Variants in SBK1 observed in about 807,000 individuals in gnomAD.
SBK1 encodes serine/threonine-protein kinase SBK1.
A neutral mutation model predicts 24.4 loss-of-function variants in SBK1; 11 were observed. The observed-to-expected ratio is 0.45, with a 90% confidence interval of 0.28 to 0.75. The LOEUF is 0.75. Ranked by LOEUF, SBK1 falls within the 30% of genes least tolerant of loss-of-function variation. SBK1 has a pLI of 0.12. For synonymous variants in SBK1, 308 were observed against 284.4 expected (o/e 1.08, Z -0.83); for missense variants, 467 against 620.5 (o/e 0.75, Z 2.63).
intron 1 of SBK1, among the ~76,000 whole-genome samples, chr16:28,303,512 T>C (rs1368775488): frequency 3.9e-5 from 5 of 128,462 alleles, no homozygotes; most frequent in South Asian, 5.6e-4. Flanking sequence ...CTTTTCTTTT[T>C]TTTTTTTTTT....
chr16:28,317,595 C>T lies in SBK1; in HGVS notation c.204C>T (p.Asp68=), dbSNP rs113394773. Residue 68 remains aspartate (D), a synonymous_variant, in exon 2 of 4, where the codon GAC becomes GAT. Transcript: ENST00000341901. The surrounding 1 kb of genome is among the most constrained non-coding windows in gnomAD (Gnocchi z 4.2). The part of the protein sequence containing the change: ...ELGKGTYGKV[D]LVVYKGTGTK... ...GCAAAGGCACCTATGGGAAGGTTGA[C>T]CTGGTGGTCTACAAGGGCACAGGTG... 0.077 allele frequency: 124,566 copies of T among 1,613,280 alleles called. 5,622 individuals carry two copies. Among genetic ancestry groups the T allele is most frequent in the Non-Finnish European group, 0.092 (108,265 of 1,179,200 alleles).
chr16:28,287,276 A>T (rs994585876), intron 1 of SBK1, among the ~76,000 whole-genome samples: 2 of 114,156 alleles, frequency 1.8e-5, no homozygotes, highest in African/African-American at 6.1e-5. Context: ...CCCCATCTCT[A>T]CTAAAAATAC....
chr16:28,311,152 A>T (rs576555511), intron 1 of SBK1, among the ~76,000 whole-genome samples: 30 of 152,302 alleles, frequency 2.0e-4, no homozygotes, highest in South Asian at 4.1e-4. Flanking sequence ...CAGGAAAGGG[A>T]TGCAGGAGAG....
chr16:28,267,745 G>T (rs2044438702), intron 1 of SBK1, among the ~76,000 whole-genome samples: 1 of 152,212 alleles, frequency 6.6e-6, no homozygotes, highest in Non-Finnish European at 1.5e-5. Context: ...AATCTATACT[G>T]CCAAATCCCT....
At chr16:28,287,462 AAAG>A (rs1264519125) in intron 1 of SBK1, among the ~76,000 whole-genome samples, 2 of 151,722 alleles carry the variant, frequency 1.3e-5, no homozygotes, top group African/African-American at 4.8e-5. Flanking sequence ...AAAAAAAAAA[AAAG>A]AAGAAAGAAG....
intron 1 of SBK1, among the ~76,000 whole-genome samples, chr16:28,277,992 G>A (rs1025526133): frequency 6.6e-6 from 1 of 152,244 alleles, no homozygotes; most frequent in Non-Finnish European, 1.5e-5. Flanking sequence ...GGGCCGTGTG[G>A]CCTCAGCCAG....
intron 1 of SBK1, among the ~76,000 whole-genome samples, chr16:28,265,389 A>T (rs1028120141): frequency 6.6e-6 from 1 of 152,100 alleles, no homozygotes; most frequent in African/African-American, 2.4e-5. Context: ...GCTATAGTCC[A>T]GTCTGGGAGA....
chr16:28,321,665 G>GGGC lies in SBK1; in HGVS notation c.*744_*745insGGC, dbSNP rs1288104111. On this transcript the variant is annotated 3_prime_UTR_variant, in exon 4 of 4. Transcript: ENST00000341901. ...AAATCACAGCCCAGGAGGGAGGGTA[G>GGGC]CTTGGCACTGGCTGAGAAATAGAGC... 6.5e-5 allele frequency: 10 copies of GGGC among 152,886 alleles called. No homozygotes were observed. The highest frequency in any genetic ancestry group is 1.5e-4 in the Non-Finnish European group (10 of 68,180). The allele number at this position is 152,886 out of a possible 1,614,324, so 9.5% of individuals were successfully genotyped here.
At chr16:28,298,351 T>A (rs2044655482) in intron 1 of SBK1, among the ~76,000 whole-genome samples, 1 of 152,180 alleles carries the variant, frequency 6.6e-6, no homozygotes. Context: ...GGACAGCGTT[T>A]TCTCATTTAG....
intron 1 of SBK1, among the ~76,000 whole-genome samples, chr16:28,297,101 A>G (rs2044646079): frequency 6.6e-6 from 1 of 152,122 alleles, no homozygotes; most frequent in Non-Finnish European, 1.5e-5. Context: ...AGGCTGAGAC[A>G]GGTGGATCAT....
At chr16:28,315,795 T>A (rs1224826283) in intron 1 of SBK1, among the ~76,000 whole-genome samples, 1 of 152,112 alleles carries the variant, frequency 6.6e-6, no homozygotes, top group Non-Finnish European at 1.5e-5. Flanking sequence ...AGACGGAGTC[T>A]TGTTCTGTCG....
chr16:28,280,685 G>A (rs1161932977), intron 1 of SBK1, among the ~76,000 whole-genome samples: 1 of 149,170 alleles, frequency 6.7e-6, no homozygotes, highest in Non-Finnish European at 1.5e-5. Context: ...TTATTTCTGA[G>A]ACAGGGTCTC....
At chr16:28,305,551 T>A (rs1322834299) in intron 1 of SBK1, among the ~76,000 whole-genome samples, 4 of 149,612 alleles carry the variant, frequency 2.7e-5, no homozygotes, top group Admixed American at 1.3e-4. Context: ...TTTTTTTTTT[T>A]TAGAGAGACT....
At chr16:28,285,539 A>T (rs1274381774) in intron 1 of SBK1, 1 of 152,254 alleles carries the variant, frequency 6.6e-6, no homozygotes, top group Non-Finnish European at 1.5e-5. Context: ...TGGGTGACAG[A>T]ATGAGACTCC....
chr16:28,323,455 GTCCTT>G lies in SBK1; in HGVS notation c.*2535_*2539del, dbSNP rs1221398638. On this transcript the variant is annotated 3_prime_UTR_variant, in exon 4 of 4. Coordinates refer to ENST00000341901, the MANE Select transcript of SBK1 (RefSeq NM_001024401.3). Reference sequence around the variant, plus strand: ...CCCTGTGTCCCCCACACTGCCCCCTGTCCTTCGGTGCTTCCCAGAGACCCCTCTGA... The same window carrying G: ...CCCTGTGTCCCCCACACTGCCCCCTGCGGTGCTTCCCAGAGACCCCTCTGA... 6.5e-6 allele frequency: 1 copy of G among 152,890 alleles called. No homozygotes were observed. The highest frequency in any genetic ancestry group is 2.4e-5 in the African/African-American group (1 of 41,444). The allele number at this position is 152,890 out of a possible 1,614,324, so 9.5% of individuals were successfully genotyped here. A position where few individuals can be genotyped will look rare whatever the true frequency, so the allele number is the denominator to read the frequency against.
At chr16:28,313,934 C>T (rs1265298275) in intron 1 of SBK1, among the ~76,000 whole-genome samples, 6 of 151,958 alleles carry the variant, frequency 3.9e-5, no homozygotes, top group African/African-American at 1.2e-4. Context: ...GTGCTCACCC[C>T]CTCCCAGCCT....
chr16:28,280,432 C>A (rs1419054841), intron 1 of SBK1, among the ~76,000 whole-genome samples: 1 of 150,254 alleles, frequency 6.7e-6, no homozygotes, highest in Non-Finnish European at 1.5e-5. Flanking sequence ...TGGCCTCAGG[C>A]AGTCTTCCTG....
In SBK1 at chr16:28,317,314, A is replaced by C; in HGVS notation, c.-7-71A>C. ...TCCTCAAGTTTTCTGGGTTCTGGGG[A>C]GGGCAGAGGGGCTGGAGGAGGGGAC... On this transcript the variant is annotated intron_variant, in intron 1 of 3. Transcript: ENST00000341901. The surrounding 1 kb of genome is among the most constrained non-coding windows in gnomAD (Gnocchi z 4.2). 8.5e-7 allele frequency: 1 copy of C among 1,174,272 alleles called. No individual in the cohort carries two copies. The highest frequency in any genetic ancestry group is 1.2e-6 in the Non-Finnish European group (1 of 801,792). 72.7% of individuals were successfully genotyped at this position (1,174,272 alleles called of 1,614,324 possible). A position where few individuals can be genotyped will look rare whatever the true frequency, so the allele number is the denominator to read the frequency against.
chr16:28,312,979 C>T (rs1420188866), intron 1 of SBK1, among the ~76,000 whole-genome samples: 1 of 152,160 alleles, frequency 6.6e-6, no homozygotes, highest in Non-Finnish European at 1.5e-5. Context: ...ACTAAAAATA[C>T]AAAAATTAGG....
Sources: gnomAD v4.1 joint callset for allele counts (sites outside exome capture counted in the v4.1 genomes callset) on GRCh38, gnomAD v4.1.1 for gene constraint, Gnocchi (gnomAD v3.1) non-coding constraint, MANE v1.5 for transcripts, NCBI Gene and HGNC (gene_info 2026-07-23, HGNC 2026-07-21) for gene names.